Variants in YWHAB observed in about 807,000 individuals in gnomAD.
YWHAB encodes the protein 14-3-3 protein beta/alpha.
Under a neutral mutation model 28.5 loss-of-function variants are expected in YWHAB, and 2 were observed. That is an observed-to-expected ratio of 0.07 (90% confidence interval 0.03 to 0.22). The LOEUF is 0.22. Among genes scored for constraint, YWHAB ranks in the 10% least tolerant of loss-of-function variants. YWHAB has a pLI of 1.00. For missense variants in YWHAB, 148 were observed against 297.1 expected, an observed-to-expected ratio of 0.50 and a Z score of 3.69; for synonymous variants, 103 against 104.7, an observed-to-expected ratio of 0.98 and a Z score of 0.10.
chr20:44,890,800 C>A (rs1052812705), intron 1 of YWHAB, among the ~76,000 whole-genome samples: 1 of 151,748 alleles, frequency 6.6e-6, no homozygotes, highest in African/African-American at 2.4e-5. Flanking sequence ...TGAGCCACCA[C>A]GCCTGGCTGG....
intron 1 of YWHAB, among the ~76,000 whole-genome samples, chr20:44,888,690 C>T (rs1254767629): frequency 1.3e-5 from 2 of 152,116 alleles, no homozygotes; most frequent in African/African-American, 2.4e-5. Flanking sequence ...GAGCATATAC[C>T]CATTCTGGCC....
chr20:44,904,261 C>A, intron 3 of YWHAB, 145 bp downstream of exon 3: 1 of 1,082,838 alleles, frequency 9.2e-7, no homozygotes, highest in South Asian at 1.6e-5. Context: ...TTGTGACGAA[C>A]GGGGTCATGG....
chr20:44,906,390 A>T lies in YWHAB; in HGVS notation c.693A>T (p.Thr231=). 1 of 1,612,772 alleles carries T rather than the reference A, an allele frequency of 6.2e-7. No individual in the cohort carries two copies. The stretch of plus-strand genomic sequence containing the variant: ...CTTCCTTTCTCTTGCAGCTGTGGAC[A>T]TCGGAAAACCAGGGAGACGAAGGAG... The part of the protein sequence containing the change: ...QLLRDNLTLW[T]SENQGDEGDA... The change falls in exon 6 of 6, where the codon ACA becomes ACT. Residue 231 remains threonine, a synonymous_variant. Transcript: ENST00000353703.
At chr20:44,899,571 ATT>A (rs1163216977) in intron 1 of YWHAB, among the ~76,000 whole-genome samples, 1 of 152,266 alleles carries the variant, frequency 6.6e-6, no homozygotes, top group Non-Finnish European at 1.5e-5. Context: ...ATATTAGTGT[ATT>A]TTTATACTGT....
At chr20:44,901,504 TTTC>T in intron 1 of YWHAB, 24 bp from the exon 2 acceptor site, 1 of 1,552,856 alleles carries the variant, frequency 6.4e-7, no homozygotes, top group Non-Finnish European at 8.7e-7. Context: ...ACATTTGCTC[TTTC>T]TTTTTCTCTT....
Position 44,901,520 on chromosome 20 carries a change from T to C in YWHAB, c.-3-11T>C. On this transcript the variant is annotated splice_polypyrimidine_tract_variant and intron_variant, in intron 1 of 5. Transcript: ENST00000353703. ...CATTTGCTCTTTCTTTTTCTCTTGCTCTTGTTCTAGGGAATGACAATGGAT... is the reference window on the plus strand; with the variant it reads ...CATTTGCTCTTTCTTTTTCTCTTGCCCTTGTTCTAGGGAATGACAATGGAT... 6.4e-7 allele frequency: 1 copy of C among 1,572,114 alleles called. No individual in the cohort carries two copies. The highest frequency in any genetic ancestry group is 1.7e-4 in the Middle Eastern group (1 of 5,880).
intron 1 of YWHAB, among the ~76,000 whole-genome samples, chr20:44,892,929 C>G (rs2425669): frequency 0.27 from 40,982 of 152,042 alleles, 5,688 homozygotes; most frequent in Admixed American, 0.33. Context: ...AAATTTCTAA[C>G]AAATTATTAA....
rs2066661227 is a variant in YWHAB, at chr20:44,906,892, G to A, written c.*454G>A. Reference sequence around the variant, plus strand: ...ATATTGTGATGCTGGAACTTGGAGTGAGACACACATCATTTGGCATTTGAG... The same window carrying A: ...ATATTGTGATGCTGGAACTTGGAGTAAGACACACATCATTTGGCATTTGAG... On this transcript the variant is annotated 3_prime_UTR_variant, in exon 6 of 6. Coordinates refer to ENST00000353703, the MANE Select transcript of YWHAB (RefSeq NM_139323.4). The A allele has an allele frequency of 6.5e-6, 1 of 154,354 alleles. No individual in the cohort carries two copies. 9.6% of individuals were successfully genotyped at this position (154,354 alleles called of 1,614,324 possible). A position where few individuals can be genotyped will look rare whatever the true frequency, so the allele number is the denominator to read the frequency against.
intron 1 of YWHAB, among the ~76,000 whole-genome samples, chr20:44,898,185 G>A (rs1201942873): frequency 2.0e-5 from 3 of 152,192 alleles, no homozygotes; most frequent in African/African-American, 7.2e-5. Context: ...CTCTGCCTTA[G>A]TTTTATTCTA....
At chr20:44,900,326 G>C (rs1474089830) in intron 1 of YWHAB, among the ~76,000 whole-genome samples, 1 of 152,192 alleles carries the variant, frequency 6.6e-6, no homozygotes, top group Non-Finnish European at 1.5e-5. Context: ...GCCCTGGGTA[G>C]TGTTCTTATT....
chr20:44,904,653 A>G (rs192927302), intron 3 of YWHAB, among the ~76,000 whole-genome samples: 8 of 152,250 alleles, frequency 5.3e-5, no homozygotes, highest in African/African-American at 9.6e-5. Flanking sequence ...GTTTGGATCT[A>G]TCGACTCTAA....
At chr20:44,892,229 A>G (rs2066566833) in intron 1 of YWHAB, among the ~76,000 whole-genome samples, 1 of 152,124 alleles carries the variant, frequency 6.6e-6, no homozygotes, top group African/African-American at 2.4e-5. Context: ...TTTTCTTGTC[A>G]GTTTTCTTCC....
rs141452624 is a variant in YWHAB at position 44,901,847 on chromosome 20, G to A, written c.300+14G>A. ...AATGATGTTCTGGTAAGAGGCCAGT[G>A]CTTCTGTTTTGAACAGTGGTTTCTA... is the stretch of plus-strand genomic sequence containing the variant. On this transcript the variant is annotated intron_variant, in intron 2 of 5. Transcript: ENST00000353703. 1.4e-4 allele frequency: 218 copies of A among 1,580,484 alleles called. No homozygotes were observed. Among genetic ancestry groups the A allele is most frequent in the Non-Finnish European group, 1.8e-4 (207 of 1,157,872 alleles).
At chr20:44,895,412 G>A (rs545724574) in intron 1 of YWHAB, among the ~76,000 whole-genome samples, 215 of 152,316 alleles carry the variant, frequency 1.4e-3, no homozygotes, top group Admixed American at 4.2e-3. Context: ...GTAGCCAAAA[G>A]GGAGTCATTG....
intron 1 of YWHAB, among the ~76,000 whole-genome samples, chr20:44,900,711 T>C (rs1254406985): frequency 6.6e-6 from 1 of 152,166 alleles, no homozygotes; most frequent in East Asian, 1.9e-4. Flanking sequence ...CAGGATACAG[T>C]TGGATTAAGG....
chr20:44,895,517 G>A (rs1286033236), intron 1 of YWHAB, among the ~76,000 whole-genome samples: 3 of 152,186 alleles, frequency 2.0e-5, no homozygotes, highest in African/African-American at 7.2e-5. Flanking sequence ...CACCCAGGCT[G>A]GAGTGCAGTG....
rs1348544253 is a variant in YWHAB at position 44,906,518 on chromosome 20, AAAAAAAAAAG to A, written c.*82_*91del. The A allele has an allele frequency of 3.2e-3, 3,737 of 1,150,784 alleles. 5 individuals are homozygous for A. The highest frequency in any genetic ancestry group is 7.0e-3 in the Middle Eastern group (22 of 3,130). 71.3% of individuals were successfully genotyped at this position (1,150,784 alleles called of 1,614,324 possible). A position where few individuals can be genotyped will look rare whatever the true frequency, so the allele number is the denominator to read the frequency against. On this transcript the variant is annotated 3_prime_UTR_variant, in exon 6 of 6. Coordinates refer to ENST00000353703, the MANE Select transcript of YWHAB (RefSeq NM_139323.4). The stretch of plus-strand genomic sequence containing the variant: ...CCCTTGTGCGATAAAAAAAAAAAAA[AAAAAAAAAAG>A]AGAATCGTACGTCGACTTTCGATTT...
rs1568637725 is a variant in YWHAB at position 44,906,057 on chromosome 20, C to T, written c.645C>T (p.Asp215=). The change falls in exon 5 of 6, where the codon GAC becomes GAT. Residue 215 remains aspartate (D), a synonymous_variant. Transcript: ENST00000353703. ...CGCTGAATGAAGAGTCTTATAAAGA[C>T]AGCACTCTGATCATGCAGTTACTTA... ...LDTLNEESYK[D]STLIMQLLRD... The T allele has an allele frequency of 6.2e-7, 1 of 1,613,820 alleles. No homozygotes were observed.
At chr20:44,900,432 T>G (rs979577716) in intron 1 of YWHAB, among the ~76,000 whole-genome samples, 3 of 152,220 alleles carry the variant, frequency 2.0e-5, no homozygotes, top group African/African-American at 7.2e-5. Flanking sequence ...AGAGCCCAAG[T>G]CTGACTGCCC....
Sources: gnomAD v4.1 joint callset for allele counts (sites outside exome capture counted in the v4.1 genomes callset) on GRCh38, gnomAD v4.1.1 for gene constraint, MANE v1.5 for transcripts, NCBI Gene and HGNC (gene_info 2026-07-23, HGNC 2026-07-21) for gene names.